Variants in GRIK2 observed in about 807,000 individuals in gnomAD.
The protein encoded by GRIK2 is glutamate ionotropic receptor kainate type subunit 2, also known as glutamate receptor ionotropic, kainate 2.
Under a neutral mutation model 100.3 loss-of-function variants are expected in GRIK2, and 32 were observed. The observed-to-expected ratio is 0.32, with a 90% CI of 0.24 to 0.43. GRIK2 has a LOEUF of 0.43. Among genes scored for constraint, GRIK2 ranks in the 20% least tolerant of loss-of-function variants. The pLI, the probability that GRIK2 is intolerant of heterozygous loss-of-function variation, is 1.00. For missense variants in GRIK2, 843 were observed against 1,114.9 expected, an observed-to-expected ratio of 0.76 and a Z score of 3.47; for synonymous variants, 417 against 389.4, an observed-to-expected ratio of 1.07 and a Z score of -0.83.
At chr6:101,653,008 TCTC>T (rs1221124248) in intron 4 of GRIK2, among the ~76,000 whole-genome samples, 2 of 152,048 alleles carry the variant, frequency 1.3e-5, no homozygotes, top group Admixed American at 6.6e-5. Flanking sequence ...ATATAAACCT[TCTC>T]CTCTGTCTCT....
At chr6:102,020,533 A>G (rs1769371063) in intron 14 of GRIK2, among the ~76,000 whole-genome samples, 1 of 151,854 alleles carries the variant, frequency 6.6e-6, no homozygotes, top group African/African-American at 2.4e-5. Flanking sequence ...CCCTTGCCGG[A>G]TGATGAAGAA....
At chr6:101,430,806 A>T (rs1468019561) in intron 2 of GRIK2, 1 of 253,378 alleles carries the variant, frequency 3.9e-6, no homozygotes, top group African/African-American at 2.3e-5. Context: ...CATGGTGGCC[A>T]TCACCTGCTC....
intron 11 of GRIK2, among the ~76,000 whole-genome samples, chr6:101,873,845 A>G (rs952255592): frequency 1.1e-4 from 17 of 152,134 alleles, no homozygotes; most frequent in Non-Finnish European, 4.4e-5. Context: ...TCTGATGGCC[A>G]GTGATGATGA....
intron 7 of GRIK2, among the ~76,000 whole-genome samples, chr6:101,748,940 G>T (rs1385624435): frequency 6.6e-6 from 1 of 152,108 alleles, no homozygotes; most frequent in Non-Finnish European, 1.5e-5. Context: ...CAATTGCTTG[G>T]AAAGAACAAG....
intron 7 of GRIK2, among the ~76,000 whole-genome samples, chr6:101,767,666 T>C (rs775584990): frequency 3.2e-4 from 48 of 152,118 alleles, no homozygotes; most frequent in Non-Finnish European, 5.6e-4. Context: ...TGGGTCTATG[T>C]AGGCCCACAC....
intron 7 of GRIK2, among the ~76,000 whole-genome samples, chr6:101,711,098 T>A (rs1773664634): frequency 6.6e-6 from 1 of 151,804 alleles, no homozygotes; most frequent in Admixed American, 6.6e-5. Flanking sequence ...GAAAAACACC[T>A]TTTCTGTGTT....
intron 14 of GRIK2, among the ~76,000 whole-genome samples, chr6:101,943,461 G>C (rs1171158063): frequency 6.6e-6 from 1 of 152,126 alleles, no homozygotes; most frequent in Non-Finnish European, 1.5e-5. Flanking sequence ...CCAACAGTTT[G>C]TATCTTGCAC....
chr6:101,924,800 C>A, intron 13 of GRIK2, 81 bp downstream of exon 13: 1 of 851,408 alleles, frequency 1.2e-6, no homozygotes, highest in South Asian at 1.4e-5. Context: ...TGGCACAAGT[C>A]GCTTGCATGG....
chr6:101,562,850 A>T (rs998644397), intron 2 of GRIK2, among the ~76,000 whole-genome samples: 6 of 152,134 alleles, frequency 3.9e-5, no homozygotes, highest in African/African-American at 1.4e-4. Flanking sequence ...TACTTTTCAC[A>T]TACTTGAATT....
At chr6:101,937,012 G>A (rs1790659006) in intron 14 of GRIK2, among the ~76,000 whole-genome samples, 1 of 152,086 alleles carries the variant, frequency 6.6e-6, no homozygotes, top group Non-Finnish European at 1.5e-5. Context: ...CTTGGAAGGA[G>A]CAGCAACTTT....
intron 2 of GRIK2, among the ~76,000 whole-genome samples, chr6:101,423,260 T>A (rs1175442925): frequency 1.3e-5 from 2 of 152,164 alleles, no homozygotes; most frequent in East Asian, 3.8e-4. Context: ...CAGACTAACT[T>A]AGTTTTGAAT....
At chr6:101,443,297 A>G (rs1310699903) in intron 2 of GRIK2, among the ~76,000 whole-genome samples, 1 of 152,190 alleles carries the variant, frequency 6.6e-6, no homozygotes, top group Non-Finnish European at 1.5e-5. Flanking sequence ...GAAATAAAAT[A>G]AAGGGCAAAA....
intron 12 of GRIK2, among the ~76,000 whole-genome samples, chr6:101,905,418 G>A (rs982428195): frequency 9.2e-5 from 14 of 151,622 alleles, no homozygotes; most frequent in African/African-American, 2.2e-4. Context: ...AAAATATGTC[G>A]TTAGACAAAA....
chr6:101,748,023 T>C (rs1776533546), intron 7 of GRIK2, among the ~76,000 whole-genome samples: 2 of 152,134 alleles, frequency 1.3e-5, no homozygotes, highest in Admixed American at 1.3e-4. Flanking sequence ...TGCTAGAATT[T>C]CTCCTGAAAA....
intron 2 of GRIK2, among the ~76,000 whole-genome samples, chr6:101,418,349 A>C (rs1776250662): frequency 6.6e-6 from 1 of 152,140 alleles, no homozygotes; most frequent in Admixed American, 6.5e-5. Flanking sequence ...ATTTTTATTA[A>C]GTGCTCAGTG....
chr6:101,493,063 T>C (rs1773226352), intron 2 of GRIK2, among the ~76,000 whole-genome samples: 4 of 151,834 alleles, frequency 2.6e-5, no homozygotes, highest in African/African-American at 9.7e-5. Context: ...GCTAACAGAA[T>C]TAGTGAACTT....
chr6:101,469,010 C>A (rs1208073902), intron 2 of GRIK2, among the ~76,000 whole-genome samples: 1 of 152,104 alleles, frequency 6.6e-6, no homozygotes, highest in Non-Finnish European at 1.5e-5. Context: ...ATTGGGACAG[C>A]ATCCACCAGA....
chr6:102,006,390 A>ATATAT (rs1315524835), intron 14 of GRIK2, among the ~76,000 whole-genome samples: 4,100 of 113,954 alleles, frequency 0.036, 87 homozygotes, highest in Middle Eastern at 0.066. Context: ...ATATATATAT[A>ATATAT]TTTTTTTTTT....
intron 4 of GRIK2, among the ~76,000 whole-genome samples, chr6:101,675,284 C>T (rs879556938): frequency 2.2e-5 from 3 of 134,602 alleles, no homozygotes; most frequent in Non-Finnish European, 3.3e-5. Context: ...CACACGCGCA[C>T]GCACACGCAG....
Sources: gnomAD v4.1 joint callset for allele counts (sites outside exome capture counted in the v4.1 genomes callset) on GRCh38, gnomAD v4.1.1 for gene constraint, MANE v1.5 for transcripts, NCBI Gene and HGNC (gene_info 2026-07-23, HGNC 2026-07-21) for gene names.